The following NOCT variants were observed in gnomAD, a reference collection of about 807,000 sequenced individuals.
The protein encoded by NOCT is CCR4 carbon catabolite repression 4-like.
A neutral mutation model predicts 35.0 loss-of-function variants in NOCT; 18 were observed. The observed-to-expected ratio is 0.51, with a 90% confidence interval of 0.36 to 0.76. The LOEUF (loss-of-function observed/expected upper bound fraction) is 0.76, where lower values mean the gene tolerates loss of function less well. Ranked by LOEUF, NOCT falls within the 30% of genes least tolerant of loss-of-function variation. The pLI, the probability that NOCT is intolerant of heterozygous loss-of-function variation, is 0.01. For missense variants in NOCT, 479 were observed against 541.0 expected (o/e 0.89, Z 1.14); for synonymous variants, 235 against 226.3 (o/e 1.04, Z -0.34).
chr4:139,026,467 A>G (rs1232406577), intron 1 of NOCT, among the ~76,000 whole-genome samples: 1 of 151,982 alleles, frequency 6.6e-6, no homozygotes, highest in African/African-American at 2.4e-5. Context: ...GGTTTAAGGG[A>G]TCTTCCTGCC....
At chr4:139,022,957 G>T (rs1345301090) in intron 1 of NOCT, among the ~76,000 whole-genome samples, 2 of 152,006 alleles carry the variant, frequency 1.3e-5, no homozygotes, top group Non-Finnish European at 2.9e-5. Flanking sequence ...AAAATTAGCC[G>T]GGTGTTGGTG....
chr4:139,042,069 A>AT (rs1394838519), intron 1 of NOCT, among the ~76,000 whole-genome samples: 1 of 98,612 alleles, frequency 1.0e-5, no homozygotes, highest in Non-Finnish European at 2.1e-5. Context: ...AGTCTTTAAG[A>AT]TCTTTTTTTT....
intron 1 of NOCT, among the ~76,000 whole-genome samples, chr4:139,037,730 T>C (rs142070713): frequency 6.6e-6 from 1 of 152,276 alleles, no homozygotes; most frequent in Non-Finnish European, 1.5e-5. Context: ...TAAAGAGAAG[T>C]AAGCAGATCT....
chr4:139,017,037 C>T (rs1371579390), intron 1 of NOCT, among the ~76,000 whole-genome samples: 4 of 140,290 alleles, frequency 2.9e-5, no homozygotes, highest in African/African-American at 1.1e-4. Flanking sequence ...TATCTAAGAT[C>T]TTGTAAAAGT....
At chr4:139,040,681 A>G (rs1382221431) in intron 1 of NOCT, among the ~76,000 whole-genome samples, 1 of 152,206 alleles carries the variant, frequency 6.6e-6, no homozygotes, top group Admixed American at 6.5e-5. Context: ...ACTGAGCTCT[A>G]CATCAAGCCC....
chr4:139,045,201 C>A lies in NOCT; in HGVS notation c.1023C>A (p.Ser341Arg). The A allele has an allele frequency of 6.2e-7, 1 of 1,614,194 alleles. No individual in the cohort carries two copies. The highest frequency in any genetic ancestry group is 8.5e-7 in the Non-Finnish European group (1 of 1,180,028). Residue 341 changes from serine to arginine, a missense_variant, in exon 3 of 3, where the codon AGC (serine) becomes AGA (arginine). Physicochemically the swap from Ser to Arg is moderately radical, Grantham distance 110 (BLOSUM62 -1). Around this residue, in one of 2 missense-constraint regions of NOCT, gnomAD observed 214 missense variants for 284.0 expected, o/e 0.75. Transcript: ENST00000280614. ...TCTACAAACACTTTGCTTCCTCCAG[C>A]CTCAACCTGAACAGCGCCTACAAGC... is the stretch of plus-strand genomic sequence containing the variant. ...EEVYKHFASS[S>R]LNLNSAYKLL...
chr4:139,030,454 G>A lies in NOCT; in HGVS notation c.191-12620G>A, dbSNP rs530568765. On this transcript the variant is annotated intron_variant, in intron 1 of 2. Coordinates refer to ENST00000280614, the MANE Select transcript of NOCT (RefSeq NM_012118.4). ...GGATCCTGGGGGAAATGGTAAATAA[G>A]GGAAACAGTCCCTGCCCTTGGGAGG... is the stretch of plus-strand genomic sequence containing the variant. 3.3e-5 allele frequency among the ~76,000 whole-genome samples: 5 copies of A among 152,216 alleles called. No homozygotes were observed. In the East Asian group the frequency reaches 9.6e-4, roughly 29 times the overall value.
At chr4:139,021,340 C>T (rs528523054) in intron 1 of NOCT, among the ~76,000 whole-genome samples, 3 of 152,080 alleles carry the variant, frequency 2.0e-5, no homozygotes, top group South Asian at 4.1e-4. Flanking sequence ...ATTCCAGGGC[C>T]GGGCACAGTG....
Position 139,015,973 on chromosome 4 carries a change from G to T in NOCT, c.-9G>T. 1 of 1,348,458 alleles carries T rather than the reference G, an allele frequency of 7.4e-7. No individual in the cohort carries two copies. The allele number at this position is 1,348,458 out of a possible 1,614,324, so 83.5% of individuals were successfully genotyped here. The stretch of plus-strand genomic sequence containing the variant: ...CGCGCGAGGGGCCGTGGTGGCGGCG[G>T]CGCCCGGCATGTTTCATAGTCCGCG... On this transcript the variant is annotated 5_prime_UTR_variant, in exon 1 of 3. Transcript: ENST00000280614.
intron 1 of NOCT, among the ~76,000 whole-genome samples, chr4:139,035,039 ACTC>A (rs1726704292): frequency 6.6e-6 from 1 of 151,840 alleles, no homozygotes; most frequent in African/African-American, 2.4e-5. Flanking sequence ...TAATTGTTGA[ACTC>A]CTATTTTCTG....
In NOCT at chr4:139,020,626, C is replaced by G. The variant is rs142536332; in HGVS notation, c.190+4455C>G. Among the ~76,000 whole-genome samples the G allele has an allele frequency of 8.2e-3, 1,244 of 152,138 alleles. 12 individuals are homozygous for G. Among genetic ancestry groups the G allele is most frequent in the Non-Finnish European group, 0.011 (739 of 68,010 alleles). ...TTGATCAGTTTCCTGTGGAGAAGCC[C>G]GGTGGAGTGCATATTTAACAAGTGC... On this transcript the variant is annotated intron_variant, in intron 1 of 2. Transcript: ENST00000280614.
At chr4:139,043,044 A>T (rs1428397114) in intron 1 of NOCT, 30 bp from the exon 2 acceptor site, 1 of 1,559,916 alleles carries the variant, frequency 6.4e-7, no homozygotes. Context: ...AAAGGAGCTG[A>T]GTGTGTAACT....
chr4:139,021,764 GTT>G (rs11421077), intron 1 of NOCT, among the ~76,000 whole-genome samples: 2 of 143,744 alleles, frequency 1.4e-5, no homozygotes, highest in African/African-American at 5.1e-5. Context: ...AGTTTTTCTG[GTT>G]TTTTTTTTTT....
At chr4:139,020,712 A>G (rs531806999) in intron 1 of NOCT, among the ~76,000 whole-genome samples, 1 of 152,158 alleles carries the variant, frequency 6.6e-6, no homozygotes, top group Non-Finnish European at 1.5e-5. Context: ...TCCTTTCCCC[A>G]AAGGTACTTA....
At chr4:139,041,068 A>C (rs1726825980) in intron 1 of NOCT, among the ~76,000 whole-genome samples, 1 of 152,272 alleles carries the variant, frequency 6.6e-6, no homozygotes, top group Non-Finnish European at 1.5e-5. Flanking sequence ...GTGGGAGAGC[A>C]TGCTTGCTTG....
chr4:139,037,716 A>G (rs1726759971), intron 1 of NOCT, among the ~76,000 whole-genome samples: 1 of 152,198 alleles, frequency 6.6e-6, no homozygotes, highest in Non-Finnish European at 1.5e-5. Flanking sequence ...GTAAGCCCTC[A>G]TTTTAAAGAG....
Position 139,043,157 on chromosome 4 carries a change from G to A in NOCT, c.274G>A (p.Glu92Lys). The change falls in exon 2 of 3, where the codon GAG becomes AAG. Residue 92 changes from glutamate (E) to lysine (K), a missense_variant. Physicochemically the swap from Glu to Lys is moderately conservative, Grantham distance 56. This residue lies in a region of NOCT where 265 missense variants were observed against 257.0 expected (regional missense o/e 1.03). Coordinates refer to ENST00000280614, the MANE Select transcript of NOCT (RefSeq NM_012118.4). Reference sequence around the variant, plus strand: ...CAGCAGCGCTGCCTCCCAGCACCCAGAGTATTTGGTGTCACCTGACCCAGA... The same window carrying A: ...CAGCAGCGCTGCCTCCCAGCACCCAAAGTATTTGGTGTCACCTGACCCAGA... ...LNSSAASQHPEYLVSPDPEHL... is the reference protein window; with the variant it reads ...LNSSAASQHPKYLVSPDPEHL... 1 of 1,614,120 alleles carries A rather than the reference G, an allele frequency of 6.2e-7. No individual in the cohort carries two copies. Among genetic ancestry groups the A allele is most frequent in the Non-Finnish European group, 8.5e-7 (1 of 1,179,996 alleles).
chr4:139,020,961 GGAAACTGAGGCAGGA>G (rs1408385193), intron 1 of NOCT, among the ~76,000 whole-genome samples: 3 of 151,460 alleles, frequency 2.0e-5, no homozygotes, highest in Non-Finnish European at 4.4e-5. Flanking sequence ...CAGCTGCTTC[GGAAACTGAGGCAGGA>G]GAATCACTTG....
chr4:139,029,867 C>T (rs1434809211), intron 1 of NOCT, among the ~76,000 whole-genome samples: 3 of 152,120 alleles, frequency 2.0e-5, no homozygotes, highest in Non-Finnish European at 4.4e-5. Flanking sequence ...GGTGCGCACA[C>T]CACAGTTTCA....
Sources: gnomAD v4.1 joint callset for allele counts (sites outside exome capture counted in the v4.1 genomes callset) on GRCh38, gnomAD v4.1.1 for gene constraint, gnomAD v4.1.1 regional missense constraint, MANE v1.5 for transcripts, NCBI Gene and HGNC (gene_info 2026-07-23, HGNC 2026-07-21) for gene names.